The following SLC2A13 variants were observed in gnomAD, a reference collection of about 807,000 sequenced individuals.
The protein encoded by SLC2A13 is proton myo-inositol cotransporter.
In SLC2A13, 32 loss-of-function variants were observed where a neutral mutation model predicts 64.4. That is an observed-to-expected ratio of 0.50 (90% confidence interval 0.37 to 0.67). SLC2A13 has a LOEUF of 0.67. Among genes scored for constraint, SLC2A13 ranks in the 30% least tolerant of loss-of-function variants. SLC2A13 has a pLI of 0.00. For synonymous variants in SLC2A13, 338 were observed against 327.1 expected (o/e 1.03, Z -0.36); for missense variants, 743 against 829.2 (o/e 0.90, Z 1.28).
At chr12:40,101,197 A>G (rs937131854) in intron 1 of SLC2A13, among the ~76,000 whole-genome samples, 25 of 152,110 alleles carry the variant, frequency 1.6e-4, no homozygotes, top group African/African-American at 6.0e-4. Context: ...AAAAAAGAAA[A>G]GAAAACCCAA....
chr12:39,809,969 T>C (rs1021751230), intron 7 of SLC2A13, among the ~76,000 whole-genome samples: 30 of 152,186 alleles, frequency 2.0e-4, no homozygotes, highest in African/African-American at 7.0e-4. Context: ...AATAAACATA[T>C]GTGTGAATGT....
At chr12:40,094,695 C>A (rs867473408) in intron 1 of SLC2A13, among the ~76,000 whole-genome samples, 1 of 152,184 alleles carries the variant, frequency 6.6e-6, no homozygotes, top group Middle Eastern at 3.4e-3. Flanking sequence ...GGAATATAGG[C>A]AACTGTTTTA....
At chr12:39,899,442 C>T (rs540364430) in intron 4 of SLC2A13, among the ~76,000 whole-genome samples, 2 of 152,230 alleles carry the variant, frequency 1.3e-5, no homozygotes, top group East Asian at 3.9e-4. Context: ...CTCCTGGATT[C>T]ATTAACTTTT....
intron 6 of SLC2A13, among the ~76,000 whole-genome samples, chr12:39,862,818 T>G (rs913973246): frequency 1.3e-5 from 2 of 152,160 alleles, no homozygotes; most frequent in African/African-American, 4.8e-5. Flanking sequence ...AATGGGGATA[T>G]TCATCACCTC....
intron 4 of SLC2A13, among the ~76,000 whole-genome samples, chr12:39,923,672 A>G (rs917583268): frequency 1.0e-4 from 14 of 133,366 alleles, no homozygotes; most frequent in African/African-American, 3.7e-4. Flanking sequence ...TTATATGTAT[A>G]TATATATATA....
chr12:40,011,634 C>T lies in SLC2A13; in HGVS notation c.925+16667G>A, dbSNP rs149588635. Among the ~76,000 whole-genome samples, 630 of 152,226 alleles carry T rather than the reference C, an allele frequency of 4.1e-3. 3 individuals are homozygous for T. Among genetic ancestry groups the T allele is most frequent in the Non-Finnish European group, 3.6e-3 (244 of 68,018 alleles). On this transcript the variant is annotated intron_variant, in intron 3 of 9. Transcript: ENST00000280871. ...CAGGACCCAATAGGTCGTTTTTCAA[C>T]CCTTTCCTTCCTCCCTCCCCGTCTC...
intron 7 of SLC2A13, among the ~76,000 whole-genome samples, chr12:39,818,286 AT>A (rs1478336885): frequency 6.6e-6 from 1 of 151,004 alleles, no homozygotes; most frequent in African/African-American, 2.4e-5. Flanking sequence ...GAAAAAAAAA[AT>A]GAGTTGGGGG....
rs1022293231 is a variant in SLC2A13, at chr12:39,893,361, G to A, written c.1035-21400C>T. Among the ~76,000 whole-genome samples the A allele has an allele frequency of 2.4e-4, 36 of 152,196 alleles. 1 individual carries two copies. The highest frequency in any genetic ancestry group is 2.2e-3 in the Admixed American group (33 of 15,276). ...GTCGCCCAGGCTGGAGCACAGTGGT[G>A]CAATCTCAGCTGGCTGCAACCTCCG... On this transcript the variant is annotated intron_variant, in intron 4 of 9. Coordinates refer to ENST00000280871, the MANE Select transcript of SLC2A13 (RefSeq NM_052885.4).
rs538151636 is a variant in SLC2A13, at chr12:39,930,212, T to C, written c.1034+21045A>G. The stretch of plus-strand genomic sequence containing the variant: ...GGAGAGAGAGAAAAAAATCCTGGTA[T>C]AACTGTATGAGCCATTTCAGCAGGC... On this transcript the variant is annotated intron_variant, in intron 4 of 9. Transcript: ENST00000280871. Among the ~76,000 whole-genome samples, 3 of 151,666 alleles carry C rather than the reference T, an allele frequency of 2.0e-5. No individual in the cohort carries two copies. In the East Asian group the frequency reaches 5.8e-4, roughly 29 times the overall value.
chr12:39,782,300 G>A (rs774836674), intron 7 of SLC2A13, among the ~76,000 whole-genome samples: 2 of 152,178 alleles, frequency 1.3e-5, no homozygotes, highest in Non-Finnish European at 2.9e-5. Context: ...GAATTCCTAC[G>A]TGTTGTGGAA....
intron 4 of SLC2A13, among the ~76,000 whole-genome samples, chr12:39,901,722 G>A (rs1162924601): frequency 7.4e-6 from 1 of 135,870 alleles, no homozygotes; most frequent in Non-Finnish European, 1.6e-5. Flanking sequence ...GGAGAAATAG[G>A]AACACTTTGA....
intron 4 of SLC2A13, among the ~76,000 whole-genome samples, chr12:39,918,152 A>T (rs977660377): frequency 1.3e-5 from 2 of 152,096 alleles, no homozygotes; most frequent in Non-Finnish European, 2.9e-5. Context: ...ATTCTTCCCA[A>T]ATTATGACAT....
At chr12:40,046,738 C>CAAAT (rs1209171210) in intron 2 of SLC2A13, among the ~76,000 whole-genome samples, 1 of 151,452 alleles carries the variant, frequency 6.6e-6, no homozygotes, top group Non-Finnish European at 1.5e-5. Flanking sequence ...ATGGTCCTTA[C>CAAAT]AAATGTAGGC....
chr12:39,792,248 G>A lies in SLC2A13; in HGVS notation c.1446-27390C>T, dbSNP rs1051636039. 5.0e-5 allele frequency among the ~76,000 whole-genome samples: 7 copies of A among 140,172 alleles called. 1 individual carries two copies. The Middle Eastern group carries it at 0.01, about 210-fold the overall frequency. 92.0% of individuals were successfully genotyped at this position (140,172 alleles called of 152,430 possible). On this transcript the variant is annotated intron_variant, in intron 7 of 9. Coordinates refer to ENST00000280871, the MANE Select transcript of SLC2A13 (RefSeq NM_052885.4). ...TTCAAGATGGATTAAAGATTTAAAC[G>A]TTAGACCTAAAACCATAAAAACCCT...
intron 2 of SLC2A13, among the ~76,000 whole-genome samples, chr12:40,043,849 T>G (rs1419457532): frequency 6.6e-6 from 1 of 152,128 alleles, no homozygotes; most frequent in East Asian, 1.9e-4. Context: ...AAATAACAAG[T>G]GTTTACTAGG....
chr12:39,972,015 T>TATATATATATATATATATATATA (rs1491210436), intron 3 of SLC2A13, among the ~76,000 whole-genome samples: 3 of 80,934 alleles, frequency 3.7e-5, no homozygotes, highest in African/African-American at 9.9e-5. Flanking sequence ...TATATATATA[T>TATATATATATATATATATATATA]TTTTTTTTAT....
At chr12:39,765,075 G>A (rs1028561972) in intron 7 of SLC2A13, among the ~76,000 whole-genome samples, 5 of 152,114 alleles carry the variant, frequency 3.3e-5, no homozygotes, top group Admixed American at 6.6e-5. Context: ...CAAAGACACC[G>A]TGTTTTATAA....
At chr12:39,838,643 G>T (rs1052971186) in intron 6 of SLC2A13, among the ~76,000 whole-genome samples, 15 of 151,892 alleles carry the variant, frequency 9.9e-5, no homozygotes, top group Non-Finnish European at 2.2e-4. Flanking sequence ...AGGACAAAAG[G>T]CTGCTTAGTG....
chr12:39,891,117 T>A (rs1944595413), intron 4 of SLC2A13, among the ~76,000 whole-genome samples: 1 of 114,920 alleles, frequency 8.7e-6, no homozygotes, highest in Admixed American at 8.5e-5. Context: ...GTTTCAAATA[T>A]ACCTTTTTTT....
Sources: allele counts gnomAD v4.1 joint callset (sites outside exome capture counted in the v4.1 genomes callset), GRCh38; gene constraint gnomAD v4.1.1; transcripts MANE v1.5; gene names NCBI Gene and HGNC (gene_info 2026-07-23, HGNC 2026-07-21).